Variants in ANKRD30B observed in about 807,000 individuals in gnomAD.
ANKRD30B encodes ankyrin repeat domain-containing protein 30B.
ANKRD30B carries 144 observed loss-of-function variants against 202.2 expected under a neutral mutation model. That is an observed-to-expected ratio of 0.71 (90% confidence interval 0.62 to 0.82). ANKRD30B has a LOEUF of 0.82. ANKRD30B is among the 40% of genes least tolerant of loss of function. The pLI is 0.00. For synonymous variants in ANKRD30B, 508 were observed against 561.3 expected, an observed-to-expected ratio of 0.91 and a Z score of 1.34; for missense variants, 1,487 against 1,669.1, an observed-to-expected ratio of 0.89 and a Z score of 1.90.
chr18:14,831,469 T>C lies in ANKRD30B; in HGVS notation c.2847+14T>C. 1.4e-6 allele frequency: 2 copies of C among 1,421,122 alleles called. No homozygotes were observed. The highest frequency in any genetic ancestry group is 9.6e-7 in the Non-Finnish European group (1 of 1,045,804). The allele number at this position is 1,421,122 out of a possible 1,614,324, so 88.0% of individuals were successfully genotyped here. ...CTTACTACCAAGGTAAAATAGTCTC[T>C]TGTTAAATTGATTTTCTCAGTTGGA... On this transcript the variant is annotated intron_variant, in intron 34 of 43. Transcript: ENST00000690538.
At chr18:14,855,326 A>T (rs1972050469), downstream of ANKRD30B, among the ~76,000 whole-genome samples, 1 of 152,204 alleles carries the variant, frequency 6.6e-6, no homozygotes, top group African/African-American at 2.4e-5. Flanking sequence ...ACACAGTAAC[A>T]ATCTGATCTC....
chr18:14,874,203 A>G, the ANKRD30B span, among the ~76,000 whole-genome samples: 181 of 152,264 alleles, frequency 1.2e-3, no homozygotes, highest in African/African-American at 4.0e-3. Context: ...CTCTGGTTCT[A>G]GAGTAATCCT....
intron 7 of ANKRD30B, among the ~76,000 whole-genome samples, chr18:14,765,189 G>A (rs1283313653): frequency 2.0e-5 from 3 of 152,088 alleles, no homozygotes; most frequent in African/African-American, 7.2e-5. Flanking sequence ...CGCTGGGTGT[G>A]GTGGCTCACG....
At chr18:14,860,745 C>T in the ANKRD30B span, among the ~76,000 whole-genome samples, 3 of 151,894 alleles carry the variant, frequency 2.0e-5, no homozygotes, top group Non-Finnish European at 4.4e-5. Flanking sequence ...CACTTTGCCA[C>T]CCAGGCTGGA....
At chr18:14,913,433 C>G in the ANKRD30B span, among the ~76,000 whole-genome samples, 3 of 152,066 alleles carry the variant, frequency 2.0e-5, no homozygotes, top group Non-Finnish European at 4.4e-5. Flanking sequence ...TATCAGGCTG[C>G]AACTTCAGGG....
the ANKRD30B span, among the ~76,000 whole-genome samples, chr18:14,878,392 T>C: frequency 6.6e-6 from 1 of 152,150 alleles, no homozygotes; most frequent in African/African-American, 2.4e-5. Context: ...CCATTTACAC[T>C]TTACTGCACT....
At chr18:14,749,049 T>A (rs1393330547) in intron 1 of ANKRD30B, among the ~76,000 whole-genome samples, 1 of 152,258 alleles carries the variant, frequency 6.6e-6, no homozygotes, top group African/African-American at 2.4e-5. Context: ...ATGAACTAAT[T>A]CCCATAATAT....
the ANKRD30B span, among the ~76,000 whole-genome samples, chr18:14,871,411 C>T: frequency 3.3e-5 from 5 of 151,372 alleles, no homozygotes; most frequent in Non-Finnish European, 7.4e-5. Context: ...CAGCCTCGTA[C>T]TCTGTGCCAG....
the ANKRD30B span, among the ~76,000 whole-genome samples, chr18:14,890,623 A>T: frequency 6.6e-6 from 1 of 150,982 alleles, no homozygotes; most frequent in African/African-American, 2.4e-5. Context: ...GCTCTTAATC[A>T]TTATATAATT....
chr18:14,837,519 T>C (rs1362743742), intron 35 of ANKRD30B, 96 bp from the exon 36 acceptor site: 1 of 1,075,546 alleles, frequency 9.3e-7, no homozygotes, highest in Non-Finnish European at 1.3e-6. Context: ...ATTTTTATTT[T>C]TGAAATACTC....
At chr18:14,831,304 G>A in intron 33 of ANKRD30B, 79 bp from the exon 34 acceptor site, 3 of 893,026 alleles carry the variant, frequency 3.4e-6, no homozygotes, top group South Asian at 1.6e-5. Flanking sequence ...TTTTTGGAGT[G>A]AGCACTAAGA....
At chr18:14,867,615 A>G in the ANKRD30B span, among the ~76,000 whole-genome samples, 11 of 152,110 alleles carry the variant, frequency 7.2e-5, no homozygotes, top group Non-Finnish European at 1.5e-4. Flanking sequence ...AGTGGGCACC[A>G]CGGGGGCTCA....
At chr18:14,934,488 TAGTA>T in the ANKRD30B span, among the ~76,000 whole-genome samples, 1 of 152,148 alleles carries the variant, frequency 6.6e-6, no homozygotes, top group Non-Finnish European at 1.5e-5. Context: ...CTGCACTCAT[TAGTA>T]AGTTGGTAGC....
chr18:14,773,889 C>T (rs1329446801), intron 9 of ANKRD30B, among the ~76,000 whole-genome samples: 2 of 152,100 alleles, frequency 1.3e-5, no homozygotes, highest in African/African-American at 4.8e-5. Flanking sequence ...CTCTTGACCT[C>T]ATGATCCGCC....
chr18:14,817,706 TA>T (rs996964461), intron 30 of ANKRD30B, among the ~76,000 whole-genome samples: 4 of 152,214 alleles, frequency 2.6e-5, no homozygotes, highest in African/African-American at 9.6e-5. Flanking sequence ...TATTTTTACC[TA>T]AAACAAACAG....
At chr18:14,934,591 G>A in the ANKRD30B span, among the ~76,000 whole-genome samples, 3 of 152,166 alleles carry the variant, frequency 2.0e-5, no homozygotes, top group Admixed American at 6.5e-5. Flanking sequence ...TGCATCAGAG[G>A]GAGTGGGATG....
intron 39 of ANKRD30B, among the ~76,000 whole-genome samples, chr18:14,844,505 C>T (rs1294037537): frequency 6.6e-6 from 1 of 152,176 alleles, no homozygotes; most frequent in Non-Finnish European, 1.5e-5. Flanking sequence ...TGGGTTGGTT[C>T]CAAGCCTTTG....
chr18:14,769,386 G>A lies in ANKRD30B; in HGVS notation c.1256+13G>A, dbSNP rs970134243. ...AGCCTATATTCAGGTAAGACTTTGC[G>A]GTTTTTTAAAACGAATAGGTTAACT... is the stretch of plus-strand genomic sequence containing the variant. On this transcript the variant is annotated intron_variant, in intron 8 of 43. Coordinates refer to ENST00000690538, the MANE Select transcript of ANKRD30B (RefSeq NM_001367607.2). The A allele has an allele frequency of 2.0e-5, 31 of 1,542,790 alleles. No individual in the cohort carries two copies. The highest frequency in any genetic ancestry group is 1.2e-4 in the East Asian group (5 of 40,742).
chr18:14,825,711 G>A (rs1970631091), intron 32 of ANKRD30B, among the ~76,000 whole-genome samples: 3 of 152,010 alleles, frequency 2.0e-5, no homozygotes, highest in South Asian at 4.1e-4. Flanking sequence ...TACAGGTAGG[G>A]TTGCTTTTTT....
Sources: allele counts gnomAD v4.1 joint callset (sites outside exome capture counted in the v4.1 genomes callset), GRCh38; gene constraint gnomAD v4.1.1; transcripts MANE v1.5; gene names NCBI Gene and HGNC (gene_info 2026-07-23, HGNC 2026-07-21).